Variants in MYO10 observed in about 807,000 individuals in gnomAD.
The protein encoded by MYO10 is unconventional myosin-X.
In MYO10, 133 loss-of-function variants were observed where a neutral mutation model predicts 257.3. The ratio of observed to expected loss-of-function variants is 0.52; its 90% CI spans 0.45 to 0.60. MYO10 has a LOEUF of 0.60. MYO10 is among the 20% of genes least tolerant of loss of function. The pLI is 0.00. For synonymous variants in MYO10, 1,104 were observed against 1,028.6 expected, an observed-to-expected ratio of 1.07 and a Z score of -1.40; for missense variants, 2,399 against 2,635.7, an observed-to-expected ratio of 0.91 and a Z score of 1.97.
At chr5:16,816,688 G>A (rs1269423138) in intron 3 of MYO10, among the ~76,000 whole-genome samples, 13 of 151,436 alleles carry the variant, frequency 8.6e-5, no homozygotes, top group African/African-American at 1.5e-4. Flanking sequence ...ACGCCACCAC[G>A]CCCAGCTAAT....
intron 19 of MYO10, among the ~76,000 whole-genome samples, chr5:16,747,943 A>AG (rs1740254742): frequency 2.2e-5 from 3 of 139,468 alleles, no homozygotes; most frequent in Non-Finnish European, 4.5e-5. Context: ...AAAAAAAAAA[A>AG]AAAGAAAAAA....
At chr5:16,693,904 G>A (rs1230733485) in intron 27 of MYO10, among the ~76,000 whole-genome samples, 1 of 152,180 alleles carries the variant, frequency 6.6e-6, no homozygotes, top group Non-Finnish European at 1.5e-5. Context: ...TGGGAATGGG[G>A]ATGGCTAGTA....
chr5:16,809,719 G>A (rs1028823347), intron 3 of MYO10, among the ~76,000 whole-genome samples: 4 of 152,198 alleles, frequency 2.6e-5, no homozygotes, highest in Admixed American at 6.5e-5. Context: ...AGCATAGTTC[G>A]TGCTTACTGA....
intron 36 of MYO10, 58 bp downstream of exon 36, chr5:16,673,624 G>A (rs995078115): frequency 1.4e-5 from 21 of 1,536,034 alleles, no homozygotes; most frequent in Admixed American, 3.8e-5. Context: ...TGTTCCTGAC[G>A]CAGGTGTATC....
intron 2 of MYO10, among the ~76,000 whole-genome samples, chr5:16,867,894 C>T (rs1265427646): frequency 6.6e-6 from 1 of 152,160 alleles, no homozygotes; most frequent in Non-Finnish European, 1.5e-5. Context: ...TGTCTACTTG[C>T]AGATTTGGAT....
chr5:16,810,936 G>A (rs1742417820), intron 3 of MYO10, among the ~76,000 whole-genome samples: 2 of 152,142 alleles, frequency 1.3e-5, no homozygotes, highest in East Asian at 3.9e-4. Context: ...GGGTGTGGTG[G>A]CGGATGCCTG....
chr5:16,835,177 G>T (rs543289363), intron 2 of MYO10, among the ~76,000 whole-genome samples: 2 of 152,174 alleles, frequency 1.3e-5, no homozygotes, highest in South Asian at 4.2e-4. Flanking sequence ...ACTGTCTCGG[G>T]TGGGTAGAGG....
intron 1 of MYO10, among the ~76,000 whole-genome samples, chr5:16,899,632 A>AAT (rs1160288666): frequency 6.6e-6 from 1 of 151,180 alleles, no homozygotes; most frequent in Non-Finnish European, 1.5e-5. Flanking sequence ...CAGTTTCAAA[A>AAT]AAAAAAAAAA....
intron 4 of MYO10, among the ~76,000 whole-genome samples, chr5:16,789,858 T>C (rs1277504252): frequency 6.6e-6 from 1 of 152,150 alleles, no homozygotes; most frequent in Non-Finnish European, 1.5e-5. Flanking sequence ...TTGTTGCCAA[T>C]AGCTAAAGTT....
intron 10 of MYO10, 23 bp from the exon 11 acceptor site, chr5:16,766,221 G>GA (rs1560973441): frequency 6.3e-7 from 1 of 1,576,892 alleles, no homozygotes; most frequent in Non-Finnish European, 8.7e-7. Context: ...AGACAAAGGT[G>GA]AATGAACCCA....
chr5:16,836,473 C>T (rs995789085), intron 2 of MYO10, among the ~76,000 whole-genome samples: 1 of 152,106 alleles, frequency 6.6e-6, no homozygotes, highest in African/African-American at 2.4e-5. Context: ...ATGAAGAAGG[C>T]CAACAGCAAA....
At chr5:16,769,269 C>G in intron 9 of MYO10, 66 bp from the exon 10 acceptor site, 5 of 1,447,780 alleles carry the variant, frequency 3.5e-6, no homozygotes, top group Non-Finnish European at 4.6e-6. Flanking sequence ...GTAGAATATC[C>G]CTGATAATAT....
chr5:16,823,468 AT>A (rs1173952251), intron 2 of MYO10, among the ~76,000 whole-genome samples: 1 of 6,444 alleles, frequency 1.6e-4, no homozygotes, highest in Non-Finnish European at 2.8e-4. Context: ...GGGAGTGGGG[AT>A]TTTTTTTTTT....
At chr5:16,732,763 C>G (rs1374984236) in intron 19 of MYO10, among the ~76,000 whole-genome samples, 1 of 152,178 alleles carries the variant, frequency 6.6e-6, no homozygotes, top group Non-Finnish European at 1.5e-5. Context: ...ACAAGTTCCT[C>G]AATATCCAAA....
chr5:16,718,718 A>C (rs1197062972), intron 19 of MYO10, among the ~76,000 whole-genome samples: 1 of 148,806 alleles, frequency 6.7e-6, no homozygotes, highest in Middle Eastern at 3.5e-3. Context: ...GACGTGGAGA[A>C]CCTTTATGTC....
intron 1 of MYO10, among the ~76,000 whole-genome samples, chr5:16,900,991 C>A (rs952492641): frequency 6.6e-6 from 1 of 152,130 alleles, no homozygotes; most frequent in African/African-American, 2.4e-5. Flanking sequence ...TCACCCACCT[C>A]GGCCTCCCAA....
intron 27 of MYO10, among the ~76,000 whole-genome samples, chr5:16,691,420 C>T (rs998906255): frequency 4.6e-5 from 7 of 151,682 alleles, no homozygotes; most frequent in African/African-American, 9.7e-5. Context: ...AGATCAGGGC[C>T]GGGCGTGGCG....
chr5:16,695,708 T>C (rs1390281416), intron 26 of MYO10, among the ~76,000 whole-genome samples: 1 of 152,230 alleles, frequency 6.6e-6, no homozygotes, highest in Non-Finnish European at 1.5e-5. Context: ...TATAAGACTG[T>C]CCACACATTA....
In MYO10 at chr5:16,905,118, CA is replaced by C. The variant is rs569350159; in HGVS notation, c.22-27412del. Among the ~76,000 whole-genome samples, 20 of 152,326 alleles carry C rather than the reference CA, an allele frequency of 1.3e-4. No individual in the cohort carries two copies. The South Asian group carries it at 4.1e-3, about 32-fold the overall frequency. On this transcript the variant is annotated intron_variant, in intron 1 of 40. Transcript: ENST00000513610. ...ATGTAACACACCGAACATCAGGCAGCAAATCTCGCTTGATGCGGAGGGCACG... is the reference window on the plus strand; with the variant it reads ...ATGTAACACACCGAACATCAGGCAGCAATCTCGCTTGATGCGGAGGGCACG...
Sources: gnomAD v4.1 joint callset for allele counts (sites outside exome capture counted in the v4.1 genomes callset) on GRCh38, gnomAD v4.1.1 for gene constraint, MANE v1.5 for transcripts, NCBI Gene and HGNC (gene_info 2026-07-23, HGNC 2026-07-21) for gene names.